DHPS: variants seen among roughly 807,000 people sequenced by gnomAD.
DHPS encodes migration-inducing gene 13.
Under a neutral mutation model 38.7 loss-of-function variants are expected in DHPS, and 24 were observed. The ratio of observed to expected loss-of-function variants is 0.62; its 90% CI spans 0.45 to 0.87. The LOEUF (loss-of-function observed/expected upper bound fraction) is 0.87, where lower values mean the gene tolerates loss of function less well. Ranked by LOEUF, DHPS falls within the 40% of genes least tolerant of loss-of-function variation. The pLI is 0.00. For synonymous variants in DHPS, 250 were observed against 204.4 expected, an observed-to-expected ratio of 1.22 and a Z score of -1.90; for missense variants, 510 against 497.6, an observed-to-expected ratio of 1.02 and a Z score of -0.24.
chr19:12,676,245 T>A, intron 7 of DHPS, 103 bp from the exon 8 acceptor site: 2 of 1,382,530 alleles, frequency 1.4e-6, no homozygotes, highest in Non-Finnish European at 1.9e-6. Flanking sequence ...GTGTCCCAGA[T>A]GAAGGAAGCC....
In DHPS at chr19:12,681,698, C is replaced by A. The variant is rs1484660936; in HGVS notation, c.69G>T (p.Thr23=). ...ALAAVLKHSS[T]LPPESTQVRG... ...GGACCTGGGTGCTTTCGGGCGGCAA[C>A]GTCGAGCTGTGCTTTAGCACGGCGG... The change falls in exon 1 of 9, where the codon ACG becomes ACT. Residue 23 remains threonine, a synonymous_variant. Transcript: ENST00000210060. The A allele has an allele frequency of 6.2e-7, 1 of 1,613,948 alleles. No individual in the cohort carries two copies. The highest frequency in any genetic ancestry group is 8.5e-7 in the Non-Finnish European group (1 of 1,180,044).
intron 5 of DHPS, among the ~76,000 whole-genome samples, chr19:12,677,925 G>A (rs952314076): frequency 2.0e-5 from 3 of 150,564 alleles, no homozygotes; most frequent in Non-Finnish European, 4.4e-5. Context: ...ACAAGCATGA[G>A]CCACCGTGCC....
downstream of DHPS, chr19:12,673,298 C>A: frequency 6.2e-7 from 1 of 1,609,596 alleles, no homozygotes; most frequent in Non-Finnish European, 8.5e-7. Flanking sequence ...GGAAGGTGTT[C>A]TTCTGGGACC....
intron 5 of DHPS, among the ~76,000 whole-genome samples, chr19:12,677,640 T>C (rs528768086): frequency 1.7e-3 from 259 of 151,898 alleles, no homozygotes; most frequent in Non-Finnish European, 2.8e-3. Flanking sequence ...TTCTCTCTCT[T>C]TTTTTTTATT....
chr19:12,680,699 A>G (rs188674772), intron 1 of DHPS, among the ~76,000 whole-genome samples: 1 of 149,362 alleles, frequency 6.7e-6, no homozygotes, highest in African/African-American at 2.5e-5. Flanking sequence ...ATGCCCGGCT[A>G]ATTTTTTGCA....
At chr19:12,680,071 G>C in intron 2 of DHPS, 90 bp downstream of exon 2, 1 of 1,574,084 alleles carries the variant, frequency 6.4e-7, no homozygotes. Context: ...GCTTATAACA[G>C]ACCCCTATCT....
downstream of DHPS, chr19:12,673,022 A>G (rs1295890774): frequency 1.9e-6 from 3 of 1,612,496 alleles, no homozygotes; most frequent in South Asian, 3.3e-5. Context: ...CATCACCTGC[A>G]CCTGCTTCAG....
chr19:12,673,312 T>A, downstream of DHPS: 3 of 1,606,400 alleles, frequency 1.9e-6, no homozygotes, highest in Non-Finnish European at 2.6e-6. Flanking sequence ...TGGGACCTGG[T>A]GGAGGTGAGG....
At chr19:12,674,827 G>C (rs1465338150), downstream of DHPS, among the ~76,000 whole-genome samples, 3 of 152,066 alleles carry the variant, frequency 2.0e-5, no homozygotes, top group African/African-American at 7.2e-5. Flanking sequence ...ACAAGAAAAA[G>C]ACTCCCGGCC....
At chr19:12,680,833 C>CTTTTT (rs775520052) in intron 1 of DHPS, among the ~76,000 whole-genome samples, 2 of 119,610 alleles carry the variant, frequency 1.7e-5, no homozygotes, top group African/African-American at 8.0e-5. Flanking sequence ...CGTGCCCGGC[C>CTTTTT]TTTTTTTTTT....
Position 12,679,551 on chromosome 19 carries a change from A to G in DHPS, c.592-8T>C. ...AGGCGTCCACTTTACACCCTAGGAG[A>G]GGATGTGACCTTCAGGCCATGCCTC... On this transcript the variant is annotated splice_polypyrimidine_tract_variant and splice_region_variant and intron_variant, in intron 4 of 8. Transcript: ENST00000210060. 1 of 1,614,108 alleles carries G rather than the reference A, an allele frequency of 6.2e-7. No homozygotes were observed. The highest frequency in any genetic ancestry group is 1.1e-5 in the South Asian group (1 of 91,078).
downstream of DHPS, chr19:12,673,015 C>T (rs1402255469): frequency 6.2e-7 from 1 of 1,612,342 alleles, no homozygotes; most frequent in Non-Finnish European, 8.5e-7. Flanking sequence ...AAGGCCCCAT[C>T]ACCTGCACCT....
downstream of DHPS, chr19:12,672,706 GGCCTGAGTC>G: frequency 1.2e-6 from 1 of 833,792 alleles, no homozygotes; most frequent in Non-Finnish European, 1.9e-6. Flanking sequence ...ATTGGCCCTG[GGCCTGAGTC>G]TCAAGGCCAG....
chr19:12,680,840 T>TC (rs2145369686), intron 1 of DHPS, among the ~76,000 whole-genome samples: 1 of 136,812 alleles, frequency 7.3e-6, no homozygotes, highest in East Asian at 2.2e-4. Context: ...GGCCTTTTTT[T>TC]TTTTTTTTTT....
chr19:12,679,476 A>G lies in DHPS; in HGVS notation c.659T>C (p.Val220Ala). Residue 220 changes from valine to alanine, a missense_variant, in exon 5 of 9, where the codon GTG becomes GCG. Coordinates refer to ENST00000210060, the MANE Select transcript of DHPS (RefSeq NM_001930.4). Reference sequence around the variant, plus strand: ...CCTCACCTTCTGGGCCCAGTAATACACGGACTCTGGGTTGTTGATCTCCTT... The same window carrying G: ...CCTCACCTTCTGGGCCCAGTAATACGCGGACTCTGGGTTGTTGATCTCCTT... ...LGKEINNPES[V>A]YYWAQKNHIP... 1.2e-6 allele frequency: 2 copies of G among 1,614,070 alleles called. No homozygotes were observed. The highest frequency in any genetic ancestry group is 1.7e-6 in the Non-Finnish European group (2 of 1,179,998).
chr19:12,674,781 G>A (rs1441958557), downstream of DHPS, among the ~76,000 whole-genome samples: 1 of 152,120 alleles, frequency 6.6e-6, no homozygotes, highest in Non-Finnish European at 1.5e-5. Flanking sequence ...TCTAGAAGCA[G>A]AGCCAAGAGG....
downstream of DHPS, among the ~76,000 whole-genome samples, chr19:12,673,650 T>C (rs1328707106): frequency 1.3e-5 from 2 of 152,042 alleles, no homozygotes; most frequent in Non-Finnish European, 1.5e-5. Context: ...ACTCCTGACC[T>C]CATGATCCAC....
intron 1 of DHPS, chr19:12,680,952 G>C: frequency 3.7e-6 from 1 of 267,760 alleles, no homozygotes; most frequent in Non-Finnish European, 7.2e-6. Flanking sequence ...TCCTGCCTCA[G>C]CCTCCCGAGT....
chr19:12,672,900 C>G, downstream of DHPS: 1 of 1,598,432 alleles, frequency 6.3e-7, no homozygotes, highest in African/African-American at 1.3e-5. Flanking sequence ...CAGCTCTTCT[C>G]AGACTACGTG....
Sources: allele counts gnomAD v4.1 joint callset (sites outside exome capture counted in the v4.1 genomes callset), GRCh38; gene constraint gnomAD v4.1.1; transcripts MANE v1.5; gene names NCBI Gene and HGNC (gene_info 2026-07-23, HGNC 2026-07-21).